COX10: variants seen among roughly 807,000 people sequenced by gnomAD.
COX10 encodes the protein cytochrome c oxidase assembly factor heme A:farnesyltransferase COX10, also known as protoheme IX farnesyltransferase, mitochondrial.
COX10 carries 27 observed loss-of-function variants against 37.3 expected under a neutral mutation model. That is an observed-to-expected ratio of 0.72 (90% CI 0.53 to 1.00). The LOEUF is 1.00. Among genes scored for constraint, COX10 ranks in the 50% least tolerant of loss-of-function variants. The pLI is 0.00. For synonymous variants in COX10, 222 were observed against 229.1 expected (o/e 0.97, Z 0.28); for missense variants, 475 against 563.2 (o/e 0.84, Z 1.59).
chr17:14,172,425 G>GT (rs891776631), intron 5 of COX10, among the ~76,000 whole-genome samples: 1 of 151,884 alleles, frequency 6.6e-6, no homozygotes, highest in African/African-American at 2.4e-5. Flanking sequence ...CAACATCTTC[G>GT]TTTTTTGTCT....
At chr17:14,083,611 G>A (rs1257342101) in intron 3 of COX10, among the ~76,000 whole-genome samples, 1 of 152,230 alleles carries the variant, frequency 6.6e-6, no homozygotes, top group Non-Finnish European at 1.5e-5. Flanking sequence ...GTGGGTAGCA[G>A]CAGCCTGATG....
intron 3 of COX10, among the ~76,000 whole-genome samples, chr17:14,096,932 C>T (rs899897769): frequency 6.6e-6 from 1 of 152,074 alleles, no homozygotes; most frequent in African/African-American, 2.4e-5. Flanking sequence ...GAATATTACT[C>T]TCCCATGGGC....
At chr17:14,085,275 T>C (rs556612671) in intron 3 of COX10, among the ~76,000 whole-genome samples, 6 of 152,320 alleles carry the variant, frequency 3.9e-5, no homozygotes, top group South Asian at 4.1e-4. Flanking sequence ...GCATAGATAG[T>C]TTCTATTTTG....
intron 4 of COX10, among the ~76,000 whole-genome samples, chr17:14,115,664 T>C (rs186334759): frequency 1.6e-4 from 25 of 151,898 alleles, no homozygotes; most frequent in African/African-American, 6.0e-4. Context: ...ATAAGGAAAA[T>C]GTGGATAAGA....
At chr17:14,116,830 C>T in intron 4 of COX10, among the ~76,000 whole-genome samples, 1 of 152,162 alleles carries the variant, frequency 6.6e-6, no homozygotes, top group Non-Finnish European at 1.5e-5. Flanking sequence ...CCTTCTACAG[C>T]ATCCTCAACA....
intron 3 of COX10, among the ~76,000 whole-genome samples, chr17:14,086,305 T>C (rs1187169254): frequency 6.6e-6 from 1 of 152,034 alleles, no homozygotes. Flanking sequence ...TATTGTATAA[T>C]AAAATTTATT....
chr17:14,136,618 A>G (rs1904378000), intron 4 of COX10, among the ~76,000 whole-genome samples: 1 of 151,902 alleles, frequency 6.6e-6, no homozygotes, highest in African/African-American at 2.4e-5. Context: ...CTTTTAGTGA[A>G]TCTCTGACCT....
rs138984012 is a variant in COX10 at position 14,083,190 on chromosome 17, G to A, written c.499+6134G>A. On this transcript the variant is annotated intron_variant, in intron 3 of 6. Coordinates refer to ENST00000261643, the MANE Select transcript of COX10 (RefSeq NM_001303.4). Reference sequence around the variant, plus strand: ...CCTTGTATTATTTTATATATTCCACGCCCCAGGTTTCTGGATGAACTAATT... The same window carrying A: ...CCTTGTATTATTTTATATATTCCACACCCCAGGTTTCTGGATGAACTAATT... Among the ~76,000 whole-genome samples the A allele has an allele frequency of 6.2e-4, 94 of 152,230 alleles. 2 individuals are homozygous for A. In the East Asian group the frequency reaches 0.016, roughly 26 times the overall value.
At chr17:14,149,154 A>C (rs1262975206) in intron 4 of COX10, among the ~76,000 whole-genome samples, 3 of 151,716 alleles carry the variant, frequency 2.0e-5, no homozygotes, top group Admixed American at 6.6e-5. Flanking sequence ...TGTGAGTATG[A>C]GGAGAAAAAG....
chr17:14,101,868 A>G (rs189122864), intron 3 of COX10, among the ~76,000 whole-genome samples: 5 of 152,320 alleles, frequency 3.3e-5, no homozygotes, highest in Admixed American at 1.3e-4. Context: ...TTGAATCTGG[A>G]AGACTGACCT....
chr17:14,127,796 G>C (rs1916376478), intron 4 of COX10, among the ~76,000 whole-genome samples: 1 of 152,104 alleles, frequency 6.6e-6, no homozygotes, highest in African/African-American at 2.4e-5. Flanking sequence ...CTACTGAGAA[G>C]CTATTATTTT....
rs773079584 is a variant in COX10 at position 14,207,140 on chromosome 17, C to T, written c.1259C>T (p.Pro420Leu). Residue 420 changes from proline to leucine, a missense_variant, in exon 7 of 7, where the codon CCG becomes CTG. Physicochemically the swap from Pro to Leu is moderately conservative, Grantham distance 98 (BLOSUM62 -3). Coordinates refer to ENST00000261643, the MANE Select transcript of COX10 (RefSeq NM_001303.4). ...TTCTTCTGCAGCCTGTGGCACCTGC[C>T]GCTGCTGCTGCTGCTCATGCTCACC... Reference protein sequence around the residue: ...RLFFCSLWHLPLLLLLMLTCK... With the variant: ...RLFFCSLWHLLLLLLLMLTCK... 11 of 1,613,216 alleles carry T rather than the reference C, an allele frequency of 6.8e-6. No individual in the cohort carries two copies. Among genetic ancestry groups the T allele is most frequent in the East Asian group, 2.2e-5 (1 of 44,876 alleles).
chr17:14,072,587 T>G (rs1915050568), intron 1 of COX10, among the ~76,000 whole-genome samples: 1 of 152,138 alleles, frequency 6.6e-6, no homozygotes, highest in Non-Finnish European at 1.5e-5. Context: ...ACTCCTAACC[T>G]CAGGTAATCC....
intron 4 of COX10, among the ~76,000 whole-genome samples, chr17:14,120,385 G>A (rs1916203743): frequency 6.6e-6 from 1 of 152,208 alleles, no homozygotes; most frequent in African/African-American, 2.4e-5. Flanking sequence ...TAGCCTTGAA[G>A]AGCTACATAA....
intron 4 of COX10, among the ~76,000 whole-genome samples, chr17:14,147,312 C>T (rs892362921): frequency 6.6e-6 from 1 of 152,022 alleles, no homozygotes; most frequent in Non-Finnish European, 1.5e-5. Context: ...AGTACTATTC[C>T]ACCATTAAAA....
chr17:14,199,268 A>AGCCTCTG (rs1567613431), intron 6 of COX10, among the ~76,000 whole-genome samples: 1 of 152,192 alleles, frequency 6.6e-6, no homozygotes, highest in Non-Finnish European at 1.5e-5. Flanking sequence ...ACGGTGTGCC[A>AGCCTCTG]GCCTCTGGTA....
At position 14,141,603 on chromosome 17, in the gene COX10, G is replaced by A. The variant is rs1904545854; in HGVS notation, c.625-18274G>A. Among the ~76,000 whole-genome samples, 3 of 149,626 alleles carry A rather than the reference G, an allele frequency of 2.0e-5. No individual in the cohort carries two copies. In the South Asian group the frequency reaches 6.4e-4, roughly 32 times the overall value. On this transcript the variant is annotated intron_variant, in intron 4 of 6. Transcript: ENST00000261643. ...AGGAGTATTTCAGTCTATTCTCATT[G>A]TGGAATAAAAGTCACTGTAAACTGG...
chr17:14,110,874 A>G (rs975987923), intron 4 of COX10, among the ~76,000 whole-genome samples: 1 of 152,108 alleles, frequency 6.6e-6, no homozygotes, highest in African/African-American at 2.4e-5. Context: ...TTTAAGGTTT[A>G]ATTTGTGAAC....
intron 4 of COX10, among the ~76,000 whole-genome samples, chr17:14,147,297 A>AGTG (rs1257233666): frequency 1.3e-5 from 2 of 152,220 alleles, no homozygotes; most frequent in Non-Finnish European, 2.9e-5. Flanking sequence ...ACTTATACAC[A>AGTG]GTGGAGTACT....
Sources: gnomAD v4.1 joint callset for allele counts (sites outside exome capture counted in the v4.1 genomes callset) on GRCh38, gnomAD v4.1.1 for gene constraint, MANE v1.5 for transcripts, NCBI Gene and HGNC (gene_info 2026-07-23, HGNC 2026-07-21) for gene names.